Variants in ZNF385D observed in about 807,000 individuals in gnomAD.
ZNF385D encodes zinc finger protein 385D, also known as zinc finger protein 659.
In ZNF385D, 15 loss-of-function variants were observed where a neutral mutation model predicts 35.8. The ratio of observed to expected loss-of-function variants is 0.42; its 90% CI spans 0.28 to 0.64. ZNF385D has a LOEUF of 0.64. ZNF385D is among the 30% of genes least tolerant of loss of function. The pLI is 0.23. For missense variants in ZNF385D, 474 were observed against 494.6 expected (o/e 0.96, Z 0.39); for synonymous variants, 212 against 186.8 (o/e 1.13, Z -1.10).
intron 2 of ZNF385D, among the ~76,000 whole-genome samples, chr3:22,354,909 G>A (rs1002552390): frequency 1.3e-5 from 2 of 151,998 alleles, no homozygotes; most frequent in African/African-American, 4.8e-5. Flanking sequence ...ATAGCCACGT[G>A]TCACTCATGG....
intron 1 of ZNF385D, among the ~76,000 whole-genome samples, chr3:21,693,881 T>C (rs1470969921): frequency 1.4e-5 from 2 of 145,722 alleles, no homozygotes; most frequent in Non-Finnish European, 3.0e-5. Flanking sequence ...TCTTTTTTTT[T>C]CTTTTTTTTT....
chr3:22,022,519 A>G (rs1007209977), intron 3 of ZNF385D, among the ~76,000 whole-genome samples: 1 of 152,128 alleles, frequency 6.6e-6, no homozygotes, highest in Admixed American at 6.6e-5. Context: ...GTTTGTACTT[A>G]TAGCAAATAT....
In ZNF385D at chr3:22,035,188, C is replaced by T. The variant is rs1194601259; in HGVS notation, c.325+133629G>A. On this transcript the variant is annotated intron_variant, in intron 3 of 5. Transcript: ENST00000494108. ...AATCACTTGTATCATTTAGTTTGATCGCAATTAAAAATAACTGGGTTCAAT... is the reference window on the plus strand; with the variant it reads ...AATCACTTGTATCATTTAGTTTGATTGCAATTAAAAATAACTGGGTTCAAT... Among the ~76,000 whole-genome samples, 9 of 152,030 alleles carry T rather than the reference C, an allele frequency of 5.9e-5. No homozygotes were observed. In the East Asian group the frequency reaches 7.7e-4, roughly 13 times the overall value.
intron 2 of ZNF385D, among the ~76,000 whole-genome samples, chr3:22,338,944 A>C (rs1409393007): frequency 6.6e-6 from 1 of 151,896 alleles, no homozygotes; most frequent in Non-Finnish European, 1.5e-5. Context: ...CAGGTGATCC[A>C]CCTGCCTTGG....
chr3:21,444,110 C>A (rs374604013), intron 4 of ZNF385D, among the ~76,000 whole-genome samples: 1 of 139,414 alleles, frequency 7.2e-6, no homozygotes, highest in Non-Finnish European at 1.5e-5. Context: ...GACAGAGTCT[C>A]GCTCTGTCAC....
intron 3 of ZNF385D, among the ~76,000 whole-genome samples, chr3:22,059,746 C>T (rs1699597120): frequency 6.6e-6 from 1 of 152,146 alleles, no homozygotes; most frequent in African/African-American, 2.4e-5. Context: ...CAGGGCCTAA[C>T]CACCCATAAT....
intron 2 of ZNF385D, among the ~76,000 whole-genome samples, chr3:22,186,346 T>C (rs1415679358): frequency 1.3e-5 from 2 of 152,074 alleles, no homozygotes; most frequent in African/African-American, 4.8e-5. Context: ...CATGAAGAAA[T>C]ACTGACTTCA....
intron 3 of ZNF385D, among the ~76,000 whole-genome samples, chr3:21,518,930 A>G (rs758591524): frequency 6.6e-4 from 101 of 152,326 alleles, no homozygotes; most frequent in Non-Finnish European, 1.2e-3. Context: ...GTTATTGTGT[A>G]GTTATCATGT....
chr3:22,329,074 C>G (rs1349103491), intron 2 of ZNF385D, among the ~76,000 whole-genome samples: 1 of 52,834 alleles, frequency 1.9e-5, no homozygotes, highest in East Asian at 3.6e-4. Context: ...GAGACTCCGT[C>G]TCAAAAAAAA....
intron 2 of ZNF385D, among the ~76,000 whole-genome samples, chr3:21,662,739 T>C (rs1266926709): frequency 6.6e-6 from 1 of 152,142 alleles, no homozygotes; most frequent in Non-Finnish European, 1.5e-5. Flanking sequence ...TTGGTTTAAG[T>C]AGAATAAATA....
At chr3:21,624,961 T>G (rs1352246509) in intron 2 of ZNF385D, among the ~76,000 whole-genome samples, 2 of 152,050 alleles carry the variant, frequency 1.3e-5, no homozygotes, top group Non-Finnish European at 2.9e-5. Context: ...GGATAAAGAT[T>G]CCATAAAAAT....
chr3:21,733,391 A>G (rs904129707), intron 1 of ZNF385D, among the ~76,000 whole-genome samples: 1 of 152,132 alleles, frequency 6.6e-6, no homozygotes, highest in Non-Finnish European at 1.5e-5. Context: ...CAGAAACTTT[A>G]GAATAAGCTT....
chr3:21,854,130 A>G (rs1012396247), intron 3 of ZNF385D, among the ~76,000 whole-genome samples: 4 of 151,954 alleles, frequency 2.6e-5, no homozygotes, highest in Admixed American at 2.0e-4. Flanking sequence ...ATATTTACCC[A>G]TATTACTTAG....
chr3:21,648,312 C>T (rs1411842758), intron 2 of ZNF385D, among the ~76,000 whole-genome samples: 2 of 152,136 alleles, frequency 1.3e-5, no homozygotes, highest in Non-Finnish European at 2.9e-5. Context: ...TCTTTGCTTC[C>T]TCTTCGCCTT....
rs149309820 is a variant in ZNF385D, at chr3:21,437,153, G to A, written c.490C>T (p.Arg164Cys). ...AISTTTTVEI[R>C]KSSVMTTEIT... is the part of the protein sequence containing the mutation. ...TCAGTTGTCATAACACTGCTTTTGC[G>A]GATTTCCACAGTTGTCGTCGTTGAT... The change falls in exon 5 of 8, where the codon CGC (arginine) becomes TGC (cysteine). Residue 164 changes from arginine to cysteine, a missense_variant. Transcript: ENST00000281523. 1.2e-5 allele frequency: 20 copies of A among 1,613,704 alleles called. No individual in the cohort carries two copies. Among genetic ancestry groups the A allele is most frequent in the South Asian group, 2.2e-5 (2 of 91,080 alleles).
rs556448898 is a variant in ZNF385D, at chr3:21,554,996, G to A, written c.276+9578C>T. 6.6e-5 allele frequency among the ~76,000 whole-genome samples: 10 copies of A among 152,234 alleles called. No individual in the cohort carries two copies. In the South Asian group the frequency reaches 1.2e-3, roughly 19 times the overall value. Reference sequence around the variant, plus strand: ...AAACATAAGGCTCTTTTGCTTTCATGTCATTCATGTGTTTACTAGAGTAGT... The same window carrying A: ...AAACATAAGGCTCTTTTGCTTTCATATCATTCATGTGTTTACTAGAGTAGT... On this transcript the variant is annotated intron_variant, in intron 3 of 7. Coordinates refer to ENST00000281523, the MANE Select transcript of ZNF385D (RefSeq NM_024697.3).
intron 1 of ZNF385D, among the ~76,000 whole-genome samples, chr3:21,715,252 T>C (rs1435514785): frequency 2.0e-5 from 3 of 152,136 alleles, no homozygotes; most frequent in Non-Finnish European, 2.9e-5. Context: ...CTCACCCCAT[T>C]ACTCGTTCAA....
At chr3:22,305,499 C>T (rs1469099214) in intron 2 of ZNF385D, among the ~76,000 whole-genome samples, 4 of 152,120 alleles carry the variant, frequency 2.6e-5, no homozygotes, top group South Asian at 4.1e-4. Flanking sequence ...TTACAGTCAG[C>T]GTTGGGCTCT....
intron 3 of ZNF385D, among the ~76,000 whole-genome samples, chr3:21,825,767 A>T (rs756370273): frequency 3.3e-5 from 5 of 152,178 alleles, no homozygotes; most frequent in Admixed American, 2.0e-4. Context: ...CACAAACGCT[A>T]GCCCAGGGGT....
Sources: allele counts gnomAD v4.1 joint callset (sites outside exome capture counted in the v4.1 genomes callset), GRCh38; gene constraint gnomAD v4.1.1; transcripts MANE v1.5; gene names NCBI Gene and HGNC (gene_info 2026-07-23, HGNC 2026-07-21).